The following ZC3H12B variants were observed in gnomAD, a reference collection of about 807,000 sequenced individuals.
The protein encoded by ZC3H12B is zinc finger CCCH-type containing 12B, also known as probable ribonuclease ZC3H12B.
ZC3H12B carries 7 observed loss-of-function variants against 43.9 expected under a neutral mutation model. The observed-to-expected ratio is 0.16, with a 90% CI of 0.09 to 0.30. The LOEUF (loss-of-function observed/expected upper bound fraction) is 0.30, where lower values mean the gene tolerates loss of function less well. Among genes scored for constraint, ZC3H12B ranks in the 10% least tolerant of loss-of-function variants. The pLI is 1.00. For missense variants in ZC3H12B, 475 were observed against 670.2 expected, an observed-to-expected ratio of 0.71 and a Z score of 3.22; for synonymous variants, 222 against 241.7, an observed-to-expected ratio of 0.92 and a Z score of 0.76.
chrX:65,247,759 G>T, the ZC3H12B span, among the ~76,000 whole-genome samples: 1 of 111,730 alleles, frequency 9.0e-6, no homozygotes, highest in Admixed American at 9.5e-5. Context: ...GCGAGCATCA[G>T]GAAGAATAGC....
At chrX:65,379,569 C>A (rs1025625314) in intron 2 of ZC3H12B, among the ~76,000 whole-genome samples, 2 of 112,481 alleles carry the variant, frequency 1.8e-5, no homozygotes, top group Non-Finnish European at 1.9e-5. Context: ...TCCAAAGGAA[C>A]GCAGTTCCTC....
chrX:65,390,573 T>A (rs766740057), intron 2 of ZC3H12B, among the ~76,000 whole-genome samples: 13 of 111,403 alleles, frequency 1.2e-4, no homozygotes, highest in African/African-American at 3.9e-4. Context: ...CCCAGATATA[T>A]GAGGCACATA....
chrX:65,162,387 A>G, the ZC3H12B span, among the ~76,000 whole-genome samples: 5 of 111,886 alleles, frequency 4.5e-5, no homozygotes, highest in South Asian at 3.7e-4. Flanking sequence ...CGTTCTCCCC[A>G]TCACTTTCAG....
chrX:65,071,816 G>A, the ZC3H12B span, among the ~76,000 whole-genome samples: 9 of 111,867 alleles, frequency 8.0e-5, no homozygotes, highest in Admixed American at 5.7e-4. Flanking sequence ...CTACTGAGGC[G>A]TCCACTGTTA....
chrX:65,428,904 G>T (rs2067116267), intron 3 of ZC3H12B, among the ~76,000 whole-genome samples: 1 of 112,267 alleles, frequency 8.9e-6, no homozygotes, highest in African/African-American at 3.2e-5. Context: ...AATTTTTAAG[G>T]TTGCTGACCT....
At chrX:65,486,566 A>T (rs2068126794), upstream of ZC3H12B, among the ~76,000 whole-genome samples, 1 of 112,625 alleles carries the variant, frequency 8.9e-6, no homozygotes, top group African/African-American at 3.2e-5. Context: ...TTTTCTTAAG[A>T]TACTCTTGCT....
rs953852578 is a variant in ZC3H12B at position 65,445,963 on chromosome X, G to A, written n.408-42683G>A. 2.7e-5 allele frequency among the ~76,000 whole-genome samples: 3 copies of A among 111,783 alleles called. No homozygotes were observed. The Admixed American group carries it at 2.8e-4, about 11-fold the overall frequency. On this transcript the variant is annotated intron_variant and non_coding_transcript_variant, in intron 3 of 5. Coordinates refer to the ZC3H12B transcript ENST00000617377. ...GCTAAGAATGTGCTGGGTCACACCTGAAGCCATCCCAGTACCAGGTTTCAC... is the reference window on the plus strand; with the variant it reads ...GCTAAGAATGTGCTGGGTCACACCTAAAGCCATCCCAGTACCAGGTTTCAC...
chrX:65,161,391 G>A, the ZC3H12B span, among the ~76,000 whole-genome samples: 1 of 111,295 alleles, frequency 9.0e-6, no homozygotes, highest in African/African-American at 3.3e-5. Context: ...TATTGTGTGG[G>A]ATTCTAAGTC....
At chrX:65,226,735 G>C in the ZC3H12B span, among the ~76,000 whole-genome samples, 1 of 111,222 alleles carries the variant, frequency 9.0e-6, no homozygotes, top group Non-Finnish European at 1.9e-5. Flanking sequence ...TGCAATCCTA[G>C]TCTCTGATAA....
the ZC3H12B span, among the ~76,000 whole-genome samples, chrX:65,141,938 G>T: frequency 8.9e-6 from 1 of 111,941 alleles, no homozygotes; most frequent in South Asian, 3.7e-4. Flanking sequence ...TTGGATTCAC[G>T]TTTTTGCAAT....
exon 5 of ZC3H12B, chrX:65,504,721 C>T (rs984972755): frequency 6.2e-5 from 7 of 112,841 alleles, no homozygotes; most frequent in African/African-American, 1.9e-4. Flanking sequence ...CTGACCTATG[C>T]AGTATTCAAC....
intron 3 of ZC3H12B, among the ~76,000 whole-genome samples, chrX:65,427,260 T>A (rs1205631943): frequency 8.9e-6 from 1 of 111,901 alleles, no homozygotes; most frequent in Non-Finnish European, 1.9e-5. Flanking sequence ...GTCTTCTTTG[T>A]CAGAAACTAG....
chrX:65,329,327 G>T, the ZC3H12B span, among the ~76,000 whole-genome samples: 1 of 109,285 alleles, frequency 9.2e-6, no homozygotes, highest in Non-Finnish European at 1.9e-5. Context: ...TCATGTGTCT[G>T]TTGGCTGCAT....
the ZC3H12B span, among the ~76,000 whole-genome samples, chrX:65,240,420 G>T: frequency 8.9e-6 from 1 of 111,928 alleles, no homozygotes; most frequent in African/African-American, 3.2e-5. Context: ...GCTCCATCAG[G>T]TCTTTTATAT....
At chrX:65,463,781 C>T (rs758994595) in intron 3 of ZC3H12B, among the ~76,000 whole-genome samples, 3 of 111,308 alleles carry the variant, frequency 2.7e-5, no homozygotes, top group African/African-American at 6.5e-5. Flanking sequence ...CTCTAAGTCA[C>T]GCAAGACAGA....
At chrX:65,245,600 A>G in the ZC3H12B span, among the ~76,000 whole-genome samples, 1 of 112,135 alleles carries the variant, frequency 8.9e-6, no homozygotes, top group African/African-American at 3.2e-5. Flanking sequence ...CCACATGATT[A>G]TCTCGATAGA....
the ZC3H12B span, among the ~76,000 whole-genome samples, chrX:65,197,094 G>C: frequency 8.9e-6 from 1 of 111,906 alleles, no homozygotes; most frequent in African/African-American, 3.2e-5. Context: ...TCCACCCACA[G>C]GGCAGCAGCT....
chrX:65,166,540 A>G, the ZC3H12B span, among the ~76,000 whole-genome samples: 1 of 112,067 alleles, frequency 8.9e-6, no homozygotes, highest in South Asian at 3.7e-4. Context: ...CATCATTTAT[A>G]ATCCTTTCAG....
the ZC3H12B span, among the ~76,000 whole-genome samples, chrX:65,216,596 G>A: frequency 9.0e-6 from 1 of 111,557 alleles, no homozygotes; most frequent in Admixed American, 9.5e-5. Context: ...CTGAGGCAGT[G>A]GGCTTGAGAT....
Sources: gnomAD v4.1 joint callset for allele counts (sites outside exome capture counted in the v4.1 genomes callset) on GRCh38, gnomAD v4.1.1 for gene constraint, MANE v1.5 for transcripts, NCBI Gene and HGNC (gene_info 2026-07-23, HGNC 2026-07-21) for gene names.